The following RNF216 variants were observed in gnomAD, a reference collection of about 807,000 sequenced individuals.
RNF216 encodes the protein ring finger protein 216, also known as E3 ubiquitin-protein ligase RNF216.
In RNF216, 72 loss-of-function variants were observed where a neutral mutation model predicts 110.8. The ratio of observed to expected loss-of-function variants is 0.65; its 90% confidence interval spans 0.54 to 0.79. RNF216 has a LOEUF of 0.79. RNF216 is among the 30% of genes least tolerant of loss of function. RNF216 has a pLI of 0.00. For missense variants in RNF216, 1,342 were observed against 1,141.2 expected (o/e 1.18, Z -2.54); for synonymous variants, 495 against 407.5 (o/e 1.21, Z -2.59).
intron 4 of RNF216, among the ~76,000 whole-genome samples, chr7:5,739,838 TA>T (rs1486333114): frequency 6.6e-6 from 1 of 151,510 alleles, no homozygotes; most frequent in African/African-American, 2.4e-5. Context: ...CCGTCTCTAC[TA>T]AAAAAATACA....
intron 3 of RNF216, among the ~76,000 whole-genome samples, chr7:5,744,967 C>A (rs1794956086): frequency 6.6e-6 from 1 of 150,900 alleles, no homozygotes. Context: ...GCAAAACTCC[C>A]ATCTCCAAAA....
chr7:5,698,468 C>G (rs897651522), intron 13 of RNF216, among the ~76,000 whole-genome samples: 1 of 151,838 alleles, frequency 6.6e-6, no homozygotes, highest in African/African-American at 2.4e-5. Context: ...TGGTTCACAG[C>G]GGCCTCGATC....
At chr7:5,719,672 G>A (rs1793291941) in intron 9 of RNF216, among the ~76,000 whole-genome samples, 1 of 152,188 alleles carries the variant, frequency 6.6e-6, no homozygotes, top group South Asian at 2.1e-4. Flanking sequence ...TTCTATAACA[G>A]ATGGATCAAA....
intron 14 of RNF216, among the ~76,000 whole-genome samples, chr7:5,641,949 C>T (rs1787756718): frequency 6.7e-6 from 1 of 148,630 alleles, no homozygotes; most frequent in Admixed American, 6.8e-5. Flanking sequence ...AGGAGAATCG[C>T]TTAAACCCGG....
chr7:5,645,933 G>T (rs550328314), intron 14 of RNF216, among the ~76,000 whole-genome samples: 1 of 152,288 alleles, frequency 6.6e-6, no homozygotes, highest in South Asian at 2.1e-4. Flanking sequence ...TTCATACACT[G>T]TGCTCCTGGT....
rs926243679 is a variant in RNF216 at position 5,624,424 on chromosome 7, G to A, written c.2383-299C>T. On this transcript the variant is annotated intron_variant, in intron 15 of 16. Coordinates refer to ENST00000389902, the MANE Select transcript of RNF216 (RefSeq NM_207111.4). This position sits in a 1 kb window ranked among gnomAD's most constrained non-coding sequence, Gnocchi z 4.4. ...GGAGGGCCTCCATGCACTGAGCTGC[G>A]TGCAAGTGGTGGATATGAGAAGGGT... 2.0e-5 allele frequency among the ~76,000 whole-genome samples: 3 copies of A among 152,226 alleles called. No individual in the cohort carries two copies. Among genetic ancestry groups the A allele is most frequent in the African/African-American group, 4.8e-5 (2 of 41,456 alleles).
Position 5,622,963 on chromosome 7 carries a change from G to C in RNF216, c.2669C>G (p.Pro890Arg), listed in dbSNP as rs761088991. 6.2e-7 allele frequency: 1 copy of C among 1,613,974 alleles called. No individual in the cohort carries two copies. The highest frequency in any genetic ancestry group is 1.3e-5 in the African/African-American group (1 of 74,940). ...MGPIPAPYVP[P>R]LPNVRVNYDF... ...ATAGTTGACCCGCACGTTGGGCAGA[G>C]GGGGCACGTACGGGGCTGGGATAGG... Residue 890 changes from proline (P) to arginine (R), a missense_variant, in exon 17 of 17, where the codon CCT (proline) becomes CGT (arginine). Pro to Arg is a moderately radical substitution (Grantham distance 103, BLOSUM62 -2). Coordinates refer to ENST00000389902, the MANE Select transcript of RNF216 (RefSeq NM_207111.4).
chr7:5,661,481 A>G (rs1224762998), intron 13 of RNF216, among the ~76,000 whole-genome samples: 1 of 152,228 alleles, frequency 6.6e-6, no homozygotes, highest in Non-Finnish European at 1.5e-5. Flanking sequence ...TCTACAGGGA[A>G]GTACTGGAGA....
At chr7:5,759,038 T>C (rs768779035) in intron 2 of RNF216, among the ~76,000 whole-genome samples, 1 of 152,130 alleles carries the variant, frequency 6.6e-6, no homozygotes, top group Non-Finnish European at 1.5e-5. Flanking sequence ...TGGTATTTCA[T>C]AAATGATTTA....
rs150981970 is a variant in RNF216 at position 5,639,658 on chromosome 7, C to T, written c.2382+1496G>A. ...ATATTTTTATTAGAGACAGGTTTCACCATATTGGTCAGGCTGGTCTTGAAC... is the reference window on the plus strand; with the variant it reads ...ATATTTTTATTAGAGACAGGTTTCATCATATTGGTCAGGCTGGTCTTGAAC... On this transcript the variant is annotated intron_variant, in intron 15 of 16. Transcript: ENST00000389902. Among the ~76,000 whole-genome samples, 1,229 of 152,202 alleles carry T rather than the reference C, an allele frequency of 8.1e-3. 11 individuals carry two copies. Among genetic ancestry groups the T allele is most frequent in the African/African-American group, 0.027 (1,106 of 41,512 alleles).
chr7:5,722,476 G>A (rs145943349), intron 8 of RNF216, among the ~76,000 whole-genome samples: 2,200 of 150,142 alleles, frequency 0.015, 24 homozygotes, highest in Non-Finnish European at 0.023. Flanking sequence ...TGTCAGCTCC[G>A]CCCCCCGGGG....
At chr7:5,774,401 T>C (rs1796663800) in intron 1 of RNF216, among the ~76,000 whole-genome samples, 1 of 152,230 alleles carries the variant, frequency 6.6e-6, no homozygotes, top group African/African-American at 2.4e-5. Flanking sequence ...ATAGCACCAT[T>C]GCACTCCAGC....
intron 15 of RNF216, among the ~76,000 whole-genome samples, chr7:5,632,498 G>C (rs551124383): frequency 2.0e-5 from 3 of 152,322 alleles, no homozygotes; most frequent in Admixed American, 1.3e-4. Context: ...GATCAGCAAG[G>C]GCTCAAAAGA....
At chr7:5,688,345 T>C (rs1344242267) in intron 13 of RNF216, among the ~76,000 whole-genome samples, 5 of 152,244 alleles carry the variant, frequency 3.3e-5, no homozygotes, top group Non-Finnish European at 5.9e-5. Flanking sequence ...GGGGCTGCTC[T>C]ATTTCAGACA....
Position 5,624,876 on chromosome 7 carries a change from T to A in RNF216, c.2383-751A>T, listed in dbSNP as rs1786610888. On this transcript the variant is annotated intron_variant, in intron 15 of 16. Transcript: ENST00000389902. The surrounding 1 kb of genome is among the most constrained non-coding windows in gnomAD (Gnocchi z 4.4). ...AGGTTGGGTTTTTGCCACATGCAGC[T>A]CCCACACCCCCACCTGCCAGCAGAC... Among the ~76,000 whole-genome samples the A allele has an allele frequency of 6.6e-6, 1 of 152,126 alleles. No individual in the cohort carries two copies. The highest frequency in any genetic ancestry group is 6.5e-5 in the Admixed American group (1 of 15,272).
intron 7 of RNF216, among the ~76,000 whole-genome samples, chr7:5,727,745 T>C (rs897612141): frequency 1.3e-5 from 2 of 151,838 alleles, no homozygotes; most frequent in Non-Finnish European, 2.9e-5. Flanking sequence ...AGAATAACCA[T>C]GATGATGATG....
chr7:5,767,811 G>A (rs1796282975), intron 1 of RNF216, among the ~76,000 whole-genome samples: 1 of 152,030 alleles, frequency 6.6e-6, no homozygotes, highest in African/African-American at 2.4e-5. Context: ...GTTGGCCAGG[G>A]TGGTCTCGAA....
intron 1 of RNF216, among the ~76,000 whole-genome samples, chr7:5,779,333 C>G (rs986083236): frequency 1.8e-4 from 27 of 152,162 alleles, no homozygotes; most frequent in African/African-American, 6.0e-4. Context: ...TCTAAAGCCT[C>G]GAATGAGGTT....
At chr7:5,755,239 A>AAAGGAAGG (rs58341461) in intron 2 of RNF216, among the ~76,000 whole-genome samples, 2 of 145,726 alleles carry the variant, frequency 1.4e-5, no homozygotes, top group African/African-American at 5.1e-5. Context: ...GGGAAGGATG[A>AAAGGAAGG]AAGGAAGGAA....
Sources: gnomAD v4.1 joint callset for allele counts (sites outside exome capture counted in the v4.1 genomes callset) on GRCh38, gnomAD v4.1.1 for gene constraint, Gnocchi (gnomAD v3.1) non-coding constraint, MANE v1.5 for transcripts, NCBI Gene and HGNC (gene_info 2026-07-23, HGNC 2026-07-21) for gene names.